The following CCDC30 variants were observed in gnomAD, a reference collection of about 807,000 sequenced individuals.
CCDC30 encodes the protein coiled-coil domain-containing protein 30.
Under a neutral mutation model 100.2 loss-of-function variants are expected in CCDC30, and 70 were observed. The ratio of observed to expected loss-of-function variants is 0.70; its 90% CI spans 0.58 to 0.85. The LOEUF is 0.85. CCDC30 is among the 40% of genes least tolerant of loss of function. CCDC30 has a pLI of 0.00. For synonymous variants in CCDC30, 233 were observed against 269.5 expected, an observed-to-expected ratio of 0.86 and a Z score of 1.33; for missense variants, 652 against 771.2, an observed-to-expected ratio of 0.85 and a Z score of 1.83.
intron 9 of CCDC30, among the ~76,000 whole-genome samples, chr1:42,588,257 G>C (rs1351377407): frequency 6.6e-6 from 1 of 152,208 alleles, no homozygotes; most frequent in Non-Finnish European, 1.5e-5. Context: ...AGTTGGGCTG[G>C]TTTCATGATG....
rs753488887 is a variant in CCDC30 at position 42,579,585 on chromosome 1, G to C, written c.847-1775G>C. 2.0e-5 allele frequency among the ~76,000 whole-genome samples: 3 copies of C among 152,072 alleles called. No homozygotes were observed. The South Asian group carries it at 6.2e-4, about 32-fold the overall frequency. ...GGAGGTGGAGGTTGCAGTGAGCTGAGATCACACCATTGCACTCCAGCCTGG... is the reference window on the plus strand; with the variant it reads ...GGAGGTGGAGGTTGCAGTGAGCTGACATCACACCATTGCACTCCAGCCTGG... On this transcript the variant is annotated intron_variant, in intron 8 of 16. Transcript: ENST00000668663.
In CCDC30 at chr1:42,556,266, T is replaced by G. The variant is rs752220250; in HGVS notation, c.457-10030T>G. 1.2e-6 allele frequency: 2 copies of G among 1,613,934 alleles called. No individual in the cohort carries two copies. The highest frequency in any genetic ancestry group is 1.7e-6 in the Non-Finnish European group (2 of 1,179,996). ...GAGGGCTCACAACAGAATCGAGATA[T>G]GAAAGATGAAGAAAAAGAACAGCAG... On this transcript the variant is annotated intron_variant, in intron 6 of 16. Coordinates refer to ENST00000668663, the Ensembl canonical transcript of CCDC30.
intron 4 of CCDC30, among the ~76,000 whole-genome samples, chr1:42,496,156 TGTGTACTCACAGGA>T (rs981825217): frequency 3.4e-5 from 5 of 148,132 alleles, no homozygotes; most frequent in Admixed American, 3.3e-4. Flanking sequence ...TGTGTGTGTG[TGTGTACTCACAGGA>T]CCTCTGTGAG....
At chr1:42,655,828 A>C (rs2148704509), downstream of CCDC30, among the ~76,000 whole-genome samples, 1 of 151,578 alleles carries the variant, frequency 6.6e-6, no homozygotes, top group African/African-American at 2.4e-5. Flanking sequence ...ATGTTCTATA[A>C]ATTAAACGTT....
At chr1:42,544,466 AGG>A (rs1645081006) in intron 6 of CCDC30, among the ~76,000 whole-genome samples, 1 of 152,208 alleles carries the variant, frequency 6.6e-6, no homozygotes, top group Admixed American at 6.5e-5. Context: ...AGTCTTACTC[AGG>A]GTAGGGGCTA....
intron 15 of CCDC30, among the ~76,000 whole-genome samples, chr1:42,651,402 A>G (rs1648331976): frequency 6.6e-6 from 1 of 152,264 alleles, no homozygotes; most frequent in East Asian, 1.9e-4. Flanking sequence ...AACCCAATTA[A>G]AAAGTAGGCA....
At chr1:42,553,491 A>T (rs914513945) in intron 6 of CCDC30, among the ~76,000 whole-genome samples, 3 of 111,332 alleles carry the variant, frequency 2.7e-5, no homozygotes, top group African/African-American at 6.0e-5. Context: ...TTCTCCATTT[A>T]AAAAAAAAAT....
In CCDC30 at chr1:42,514,432, T is replaced by G. The variant is rs142526579; in HGVS notation, c.456+15516T>G. Reference sequence around the variant, plus strand: ...TCCTTCTTTTTTATTATAACCATCCTAGCTGGTGTGAAGTAGTGTCTCAAT... The same window carrying G: ...TCCTTCTTTTTTATTATAACCATCCGAGCTGGTGTGAAGTAGTGTCTCAAT... On this transcript the variant is annotated intron_variant, in intron 6 of 16. Transcript: ENST00000668663. Among the ~76,000 whole-genome samples the G allele has an allele frequency of 2.7e-3, 414 of 152,318 alleles. 4 individuals carry two copies. Among genetic ancestry groups the G allele is most frequent in the African/African-American group, 9.7e-3 (404 of 41,564 alleles).
chr1:42,459,785 C>T (rs767455402), upstream of CCDC30: 7 of 1,614,022 alleles, frequency 4.3e-6, no homozygotes. Flanking sequence ...CACGACAGTC[C>T]TTTGTGTTTA....
chr1:42,538,354 A>G (rs1390048081), intron 6 of CCDC30, among the ~76,000 whole-genome samples: 2 of 151,818 alleles, frequency 1.3e-5, no homozygotes, highest in African/African-American at 4.8e-5. Flanking sequence ...AAAGAGAAAG[A>G]GAAAAAAACA....
intron 11 of CCDC30, among the ~76,000 whole-genome samples, chr1:42,625,737 G>T (rs1008269043): frequency 2.0e-5 from 3 of 151,610 alleles, no homozygotes; most frequent in Admixed American, 6.6e-5. Flanking sequence ...TATTATTTCA[G>T]TTTTTTTAAT....
At chr1:42,456,481 G>A in the CCDC30 span, 2 of 1,372,914 alleles carry the variant, frequency 1.5e-6, no homozygotes, top group Non-Finnish European at 1.9e-6. Flanking sequence ...CACTCAGTAC[G>A]GCGCGGCGCG....
intron 3 of CCDC30, among the ~76,000 whole-genome samples, chr1:42,486,680 CTTTGCTGAT>C (rs1353564837): frequency 6.6e-6 from 1 of 152,170 alleles, no homozygotes; most frequent in East Asian, 1.9e-4. Flanking sequence ...CATCCTTTCC[CTTTGCTGAT>C]TTTGCTTTAT....
At chr1:42,654,053 T>G in exon 17 of CCDC30, 1 of 1,542,770 alleles carries the variant, frequency 6.5e-7, no homozygotes, top group Admixed American at 1.7e-5. Flanking sequence ...AAAGCTATAC[T>G]GAACAAAAGT....
the CCDC30 span, chr1:42,457,586 C>G: frequency 9.2e-6 from 5 of 546,380 alleles, no homozygotes; most frequent in African/African-American, 7.6e-5. Flanking sequence ...AAAGTGCAGT[C>G]AGATCATGGG....
upstream of CCDC30, among the ~76,000 whole-genome samples, chr1:42,458,435 T>C (rs1172593989): frequency 6.6e-6 from 1 of 152,206 alleles, no homozygotes; most frequent in Non-Finnish European, 1.5e-5. Flanking sequence ...CTGTGGGGCA[T>C]TTGCCGACTT....
At chr1:42,590,082 G>A (rs1452614447) in intron 10 of CCDC30, 4 of 152,098 alleles carry the variant, frequency 2.6e-5, no homozygotes, top group Admixed American at 6.6e-5. Flanking sequence ...GAATTATTGC[G>A]AGATCTAGAT....
At chr1:42,569,346 C>T (rs889211814) in intron 7 of CCDC30, among the ~76,000 whole-genome samples, 4 of 152,150 alleles carry the variant, frequency 2.6e-5, no homozygotes, top group African/African-American at 4.8e-5. Flanking sequence ...CAAAAGAAGA[C>T]ATTTATGCAG....
Position 42,650,574 on chromosome 1 carries a change from A to G in CCDC30, c.1855-2802A>G, listed in dbSNP as rs114126544. On this transcript the variant is annotated intron_variant, in intron 15 of 16. Coordinates refer to ENST00000668663, the Ensembl canonical transcript of CCDC30. ...ACTACAGTAATTAAAACAACATGGG[A>G]CTGGCATTAAAACAGACACATTGAC... 9.7e-4 allele frequency among the ~76,000 whole-genome samples: 146 copies of G among 151,016 alleles called. 1 individual carries two copies. Among genetic ancestry groups the G allele is most frequent in the African/African-American group, 3.4e-3 (141 of 41,064 alleles).
Sources: gnomAD v4.1 joint callset for allele counts (sites outside exome capture counted in the v4.1 genomes callset) on GRCh38, gnomAD v4.1.1 for gene constraint, MANE v1.5 for transcripts, NCBI Gene and HGNC (gene_info 2026-07-23, HGNC 2026-07-21) for gene names.